The following SPATA6 variants were observed in gnomAD, a reference collection of about 807,000 sequenced individuals.
SPATA6 encodes spermatogenesis-associated protein 6.
SPATA6 carries 56 observed loss-of-function variants against 65.3 expected under a neutral mutation model. The ratio of observed to expected loss-of-function variants is 0.86; its 90% CI spans 0.69 to 1.07. The LOEUF is 1.07. Ranked by LOEUF, SPATA6 falls within the 50% of genes least tolerant of loss-of-function variation. The pLI is 0.00. For synonymous variants in SPATA6, 199 were observed against 213.2 expected (o/e 0.93, Z 0.58); for missense variants, 590 against 594.8 (o/e 0.99, Z 0.08).
chr1:48,435,810 G>A (rs767071673), intron 3 of SPATA6, among the ~76,000 whole-genome samples: 88 of 152,164 alleles, frequency 5.8e-4, no homozygotes, highest in African/African-American at 1.8e-3. Flanking sequence ...GGGCTCTGGC[G>A]CCCGCCCCTG....
intron 11 of SPATA6, among the ~76,000 whole-genome samples, chr1:48,346,884 C>T (rs951125716): frequency 6.6e-6 from 1 of 151,932 alleles, no homozygotes; most frequent in African/African-American, 2.4e-5. Flanking sequence ...CTTAAAATGG[C>T]CATACTGTCC....
chr1:48,275,143 C>A, the SPATA6 span, among the ~76,000 whole-genome samples: 1 of 152,084 alleles, frequency 6.6e-6, no homozygotes, highest in South Asian at 2.1e-4. Context: ...CTCTGTTTGT[C>A]TATTATTGGT....
At chr1:48,338,299 T>A (rs1646115676) in intron 11 of SPATA6, among the ~76,000 whole-genome samples, 1 of 151,840 alleles carries the variant, frequency 6.6e-6, no homozygotes, top group African/African-American at 2.4e-5. Flanking sequence ...TGTACAAGGG[T>A]GGAGTGACAA....
chr1:48,316,552 C>A (rs560906265), intron 11 of SPATA6, among the ~76,000 whole-genome samples: 3 of 151,972 alleles, frequency 2.0e-5, no homozygotes, highest in East Asian at 1.9e-4. Context: ...TAAAGACTTA[C>A]TTGTTAGACC....
At chr1:48,328,322 A>T (rs1645822208) in intron 11 of SPATA6, among the ~76,000 whole-genome samples, 1 of 152,156 alleles carries the variant, frequency 6.6e-6, no homozygotes, top group Admixed American at 6.5e-5. Context: ...ATTATTTTTT[A>T]GCAGCCAAAA....
chr1:48,415,664 A>G (rs1277745368), intron 3 of SPATA6, among the ~76,000 whole-genome samples: 1 of 151,976 alleles, frequency 6.6e-6, no homozygotes, highest in African/African-American at 2.4e-5. Context: ...ACCACAACAG[A>G]ATATTCAAGA....
intron 11 of SPATA6, among the ~76,000 whole-genome samples, chr1:48,307,143 A>G (rs1488404276): frequency 1.3e-5 from 2 of 151,600 alleles, no homozygotes; most frequent in African/African-American, 4.8e-5. Context: ...GTGAGTGTGA[A>G]AGACTTGGCA....
In SPATA6 at chr1:48,428,807, G is replaced by A. The variant is rs796811612; in HGVS notation, c.239-15656C>T. ...TGTGTGTGTGTGTGTGTGTGTGTGTGTGTATATGTATATATATGTGTGTAT... is the reference window on the plus strand; with the variant it reads ...TGTGTGTGTGTGTGTGTGTGTGTGTATGTATATGTATATATATGTGTGTAT... On this transcript the variant is annotated intron_variant, in intron 3 of 12. Coordinates refer to ENST00000371847, the MANE Select transcript of SPATA6 (RefSeq NM_019073.4). Among the ~76,000 whole-genome samples, 973 of 115,606 alleles carry A rather than the reference G, an allele frequency of 8.4e-3. 23 individuals carry two copies. The highest frequency in any genetic ancestry group is 0.075 in the South Asian group (241 of 3,216). 75.8% of individuals were successfully genotyped at this position (115,606 alleles called of 152,430 possible). A position where few individuals can be genotyped will look rare whatever the true frequency, so the allele number is the denominator to read the frequency against.
the SPATA6 span, among the ~76,000 whole-genome samples, chr1:48,279,857 AC>A: frequency 2.6e-5 from 4 of 152,272 alleles, no homozygotes; most frequent in South Asian, 6.2e-4. Flanking sequence ...AGAACTCTCC[AC>A]CCCAAATCAA....
intron 4 of SPATA6, among the ~76,000 whole-genome samples, chr1:48,412,437 A>G (rs1252924252): frequency 6.6e-6 from 1 of 152,226 alleles, no homozygotes; most frequent in Non-Finnish European, 1.5e-5. Flanking sequence ...ACTGTCACAA[A>G]ATATTTTAGA....
At chr1:48,283,020 C>T in the SPATA6 span, among the ~76,000 whole-genome samples, 2 of 152,020 alleles carry the variant, frequency 1.3e-5, no homozygotes, top group Non-Finnish European at 1.5e-5. Flanking sequence ...ATGATGAGTT[C>T]ATGTCCTTTG....
chr1:48,400,908 C>T, intron 6 of SPATA6: 10 of 975,598 alleles, frequency 1.0e-5, no homozygotes, highest in Non-Finnish European at 1.2e-5. Context: ...ATCTCTGTGA[C>T]ATCACAGACT....
At chr1:48,457,172 C>G (rs1003704379) in intron 1 of SPATA6, among the ~76,000 whole-genome samples, 4 of 152,202 alleles carry the variant, frequency 2.6e-5, no homozygotes, top group African/African-American at 7.2e-5. Flanking sequence ...TGGCTCACGC[C>G]TGGAATCCCA....
chr1:48,442,595 AAGAG>A lies in SPATA6; in HGVS notation c.238+8953_238+8956del, dbSNP rs59113039. On this transcript the variant is annotated intron_variant, in intron 3 of 12. Coordinates refer to ENST00000371847, the MANE Select transcript of SPATA6 (RefSeq NM_019073.4). The stretch of plus-strand genomic sequence containing the variant: ...ACAGAGACAAAGAGGGAGTCAGAGA[AAGAG>A]AGAGAGAGAGAAAGAGAGAGACAGA... 2.4e-3 allele frequency among the ~76,000 whole-genome samples: 354 copies of A among 150,620 alleles called. 1 individual carries two copies. The highest frequency in any genetic ancestry group is 7.9e-3 in the African/African-American group (324 of 40,972).
At chr1:48,340,088 G>A (rs373589122) in intron 11 of SPATA6, among the ~76,000 whole-genome samples, 3 of 151,606 alleles carry the variant, frequency 2.0e-5, no homozygotes, top group Admixed American at 1.3e-4. Flanking sequence ...AATGATGGAA[G>A]ATATCAGATA....
intron 9 of SPATA6, among the ~76,000 whole-genome samples, chr1:48,360,671 G>A (rs1267082351): frequency 6.6e-6 from 1 of 152,140 alleles, no homozygotes; most frequent in Non-Finnish European, 1.5e-5. Context: ...AATATGTCCT[G>A]ACTTTTTCCT....
intron 9 of SPATA6, among the ~76,000 whole-genome samples, chr1:48,364,371 C>T (rs146840138): frequency 0.057 from 8,739 of 152,266 alleles, 372 homozygotes; most frequent in African/African-American, 0.11. Context: ...CCTGAGGAAT[C>T]GCCACACTGA....
intron 1 of SPATA6, among the ~76,000 whole-genome samples, chr1:48,460,216 G>T (rs567298356): frequency 2.0e-5 from 3 of 151,920 alleles, no homozygotes; most frequent in African/African-American, 7.2e-5. Flanking sequence ...TCCTCCCACC[G>T]CAGCCTCACA....
intron 1 of SPATA6, among the ~76,000 whole-genome samples, chr1:48,454,189 A>G (rs1430088514): frequency 2.0e-5 from 3 of 151,948 alleles, no homozygotes; most frequent in African/African-American, 4.8e-5. Context: ...ACCATATTCT[A>G]TTGCCAGTGA....
Sources: allele counts gnomAD v4.1 joint callset (sites outside exome capture counted in the v4.1 genomes callset), GRCh38; gene constraint gnomAD v4.1.1; transcripts MANE v1.5; gene names NCBI Gene and HGNC (gene_info 2026-07-23, HGNC 2026-07-21).